RHOBTB1: variants seen among roughly 807,000 people sequenced by gnomAD.
RHOBTB1 encodes the protein Rho related BTB domain containing 1.
Under a neutral mutation model 71.6 loss-of-function variants are expected in RHOBTB1, and 40 were observed. The observed-to-expected ratio is 0.56, with a 90% CI of 0.43 to 0.73. RHOBTB1 has a LOEUF of 0.73. Among genes scored for constraint, RHOBTB1 ranks in the 30% least tolerant of loss-of-function variants. The probability of loss-of-function intolerance (pLI) is 0.00; values close to 1 mark genes in which losing one functional copy is unlikely to be tolerated. For missense variants in RHOBTB1, 797 were observed against 894.0 expected, an observed-to-expected ratio of 0.89 and a Z score of 1.38; for synonymous variants, 319 against 334.9, an observed-to-expected ratio of 0.95 and a Z score of 0.52.
At chr10:60,934,234 C>T (rs1359141878) in intron 2 of RHOBTB1, among the ~76,000 whole-genome samples, 3 of 152,142 alleles carry the variant, frequency 2.0e-5, no homozygotes, top group Non-Finnish European at 4.4e-5. Flanking sequence ...TGTGAACTGC[C>T]TTTCATATGG....
At chr10:60,889,526 T>A (rs1368278509) in intron 5 of RHOBTB1, among the ~76,000 whole-genome samples, 2 of 152,236 alleles carry the variant, frequency 1.3e-5, no homozygotes, top group African/African-American at 4.8e-5. Flanking sequence ...TTGATTTTTG[T>A]GTATTGACCT....
intron 9 of RHOBTB1, 70 bp downstream of exon 9, chr10:60,874,872 AGATGCAACAATG>A: frequency 3.1e-6 from 3 of 961,326 alleles, no homozygotes; most frequent in South Asian, 2.7e-5. Context: ...TCATTTAGAC[AGATGCAACAATG>A]GAATGTTTTA....
intron 1 of RHOBTB1, among the ~76,000 whole-genome samples, chr10:60,995,967 A>G (rs2087034125): frequency 6.6e-6 from 1 of 152,194 alleles, no homozygotes; most frequent in Non-Finnish European, 1.5e-5. Flanking sequence ...GCAGTATCAC[A>G]CACTGTGCTA....
At chr10:60,937,141 G>T (rs1314111201) in intron 2 of RHOBTB1, among the ~76,000 whole-genome samples, 3 of 152,196 alleles carry the variant, frequency 2.0e-5, no homozygotes, top group African/African-American at 7.2e-5. Flanking sequence ...GGATGTGTTG[G>T]CAAGGACTCG....
intron 1 of RHOBTB1, among the ~76,000 whole-genome samples, chr10:60,942,069 A>G (rs1490745403): frequency 6.6e-6 from 1 of 152,186 alleles, no homozygotes; most frequent in East Asian, 1.9e-4. Context: ...ATTTGTGAAA[A>G]TATATTTTTG....
chr10:60,902,004 A>C (rs998719484), intron 4 of RHOBTB1, among the ~76,000 whole-genome samples: 1 of 152,172 alleles, frequency 6.6e-6, no homozygotes, highest in Non-Finnish European at 1.5e-5. Context: ...CCCAGGCATC[A>C]ATCAAGCCCT....
intron 2 of RHOBTB1, chr10:60,912,883 G>A (rs181755177): frequency 2.6e-4 from 40 of 152,272 alleles, no homozygotes; most frequent in African/African-American, 8.7e-4. Context: ...AAACTAATAA[G>A]AACAGATGCT....
chr10:60,936,895 G>A (rs1014361959), intron 2 of RHOBTB1, among the ~76,000 whole-genome samples: 1 of 152,172 alleles, frequency 6.6e-6, no homozygotes. Context: ...TCAGCACCTA[G>A]CCCCAGTTCA....
intron 2 of RHOBTB1, among the ~76,000 whole-genome samples, chr10:60,971,346 T>C (rs984000273): frequency 6.6e-6 from 1 of 151,296 alleles, no homozygotes; most frequent in African/African-American, 2.4e-5. Flanking sequence ...CCAAAACAGA[T>C]ATATAGACCA....
chr10:60,986,413 A>ATATATATAT (rs1554860049), intron 1 of RHOBTB1, among the ~76,000 whole-genome samples: 1 of 143,198 alleles, frequency 7.0e-6, no homozygotes, highest in African/African-American at 2.6e-5. Context: ...AGATATATAT[A>ATATATATAT]TATATATATA....
chr10:61,001,174 G>C (rs911240401), intron 1 of RHOBTB1, among the ~76,000 whole-genome samples: 3 of 152,136 alleles, frequency 2.0e-5, no homozygotes, highest in African/African-American at 7.2e-5. Context: ...GGGGCCCTGT[G>C]CTTTGTCAGA....
intron 2 of RHOBTB1, among the ~76,000 whole-genome samples, chr10:60,922,307 C>T (rs1304487205): frequency 2.6e-5 from 4 of 152,192 alleles, no homozygotes; most frequent in African/African-American, 7.2e-5. Flanking sequence ...AAAAGAGCCA[C>T]ACCACAAAAT....
At chr10:60,931,208 T>A (rs1347052434) in intron 2 of RHOBTB1, among the ~76,000 whole-genome samples, 3 of 152,190 alleles carry the variant, frequency 2.0e-5, no homozygotes, top group African/African-American at 7.2e-5. Context: ...ACACATCTCA[T>A]TCTTTTAAAG....
chr10:60,934,708 A>C (rs1401803402), intron 2 of RHOBTB1, among the ~76,000 whole-genome samples: 1 of 152,218 alleles, frequency 6.6e-6, no homozygotes, highest in Non-Finnish European at 1.5e-5. Flanking sequence ...CTTTGGCTCC[A>C]TGTCCACTGT....
intron 2 of RHOBTB1, among the ~76,000 whole-genome samples, chr10:60,929,592 A>G (rs1047112194): frequency 6.6e-6 from 1 of 152,214 alleles, no homozygotes; most frequent in African/African-American, 2.4e-5. Context: ...ATCATCCTAC[A>G]TAGTTATTTT....
intron 2 of RHOBTB1, among the ~76,000 whole-genome samples, chr10:60,923,184 C>T (rs1043527103): frequency 6.6e-6 from 1 of 152,072 alleles, no homozygotes; most frequent in Non-Finnish European, 1.5e-5. Flanking sequence ...CAACATATGA[C>T]CTATTAAAAA....
In RHOBTB1 at chr10:60,871,527, T is replaced by C; in HGVS notation, c.2046A>G (p.Ser682=). The change falls in exon 11 of 11, where the codon TCA becomes TCG. Residue 682 remains serine (S), a synonymous_variant. Coordinates refer to ENST00000337910, the MANE Select transcript of RHOBTB1 (RefSeq NM_014836.5). The part of the protein sequence containing the change: ...KEDIALNKHR[S]RRKWCFWNSS... ...AATTCCAGAAGCACCACTTTCGTCT[T>C]GAGCGATGCTTATTTAGTGCAATAT... 1.2e-6 allele frequency: 2 copies of C among 1,614,174 alleles called. No individual in the cohort carries two copies. Among genetic ancestry groups the C allele is most frequent in the East Asian group, 2.2e-5 (1 of 44,880 alleles).
chr10:60,921,420 A>G (rs1387786695), intron 2 of RHOBTB1, among the ~76,000 whole-genome samples: 1 of 152,218 alleles, frequency 6.6e-6, no homozygotes, highest in East Asian at 1.9e-4. Context: ...GCGGCCAAGT[A>G]CAGATTCAAG....
chr10:60,941,475 T>C (rs2084899471), intron 2 of RHOBTB1, among the ~76,000 whole-genome samples: 1 of 152,096 alleles, frequency 6.6e-6, no homozygotes, highest in Non-Finnish European at 1.5e-5. Flanking sequence ...AGTGCTAAGA[T>C]TAGGATAGAA....
Sources: allele counts gnomAD v4.1 joint callset (sites outside exome capture counted in the v4.1 genomes callset), GRCh38; gene constraint gnomAD v4.1.1; transcripts MANE v1.5; gene names NCBI Gene and HGNC (gene_info 2026-07-23, HGNC 2026-07-21).